The following TENM4 variants were observed in gnomAD, a reference collection of about 807,000 sequenced individuals.
TENM4 encodes teneurin transmembrane protein 4.
TENM4 carries 82 observed loss-of-function variants against 243.3 expected under a neutral mutation model. The observed-to-expected ratio is 0.34, with a 90% CI of 0.28 to 0.40. The LOEUF (loss-of-function observed/expected upper bound fraction) is 0.40. Among genes scored for constraint, TENM4 ranks in the 10% least tolerant of loss-of-function variants. The pLI, the probability that TENM4 is intolerant of heterozygous loss-of-function variation, is 1.00. For synonymous variants in TENM4, 1,412 were observed against 1,456.3 expected, an observed-to-expected ratio of 0.97 and a Z score of 0.69; for missense variants, 3,138 against 3,673.3, an observed-to-expected ratio of 0.85 and a Z score of 3.77.
At chr11:78,666,630 G>T (rs1858165471) in intron 32 of TENM4, among the ~76,000 whole-genome samples, 1 of 152,218 alleles carries the variant, frequency 6.6e-6, no homozygotes, top group African/African-American at 2.4e-5. Context: ...TGGATTTGGA[G>T]GCCAGCATGA....
intron 4 of TENM4, chr11:79,096,551 T>G (rs1861081890): frequency 9.4e-6 from 1 of 105,822 alleles, no homozygotes; most frequent in Non-Finnish European, 1.7e-5. Flanking sequence ...AATTCTCCCC[T>G]TCCCCTGGTG....
At chr11:78,866,598 TGGGGGAGACATG>T (rs1301237501) in intron 9 of TENM4, among the ~76,000 whole-genome samples, 1 of 129,256 alleles carries the variant, frequency 7.7e-6, no homozygotes, top group African/African-American at 3.0e-5. Context: ...GTTATGAGGG[TGGGGGAGACATG>T]GGGGGAGGGG....
At chr11:78,778,312 T>G in intron 17 of TENM4, among the ~76,000 whole-genome samples, 2 of 101,218 alleles carry the variant, frequency 2.0e-5, no homozygotes, top group African/African-American at 8.7e-5. Context: ...GAGTGAAAGG[T>G]GTATGTATGT....
chr11:79,215,130 A>G (rs1370355313), intron 3 of TENM4, among the ~76,000 whole-genome samples: 1 of 152,100 alleles, frequency 6.6e-6, no homozygotes, highest in African/African-American at 2.4e-5. Context: ...GCCTCCCTCA[A>G]TGTAACCAGT....
chr11:79,223,237 A>G (rs1864198644), intron 2 of TENM4, among the ~76,000 whole-genome samples: 1 of 152,220 alleles, frequency 6.6e-6, no homozygotes, highest in African/African-American at 2.4e-5. Context: ...TGGCCTAACA[A>G]GAAGCACTGG....
At chr11:78,734,916 C>T (rs1007078490) in intron 20 of TENM4, among the ~76,000 whole-genome samples, 6 of 152,196 alleles carry the variant, frequency 3.9e-5, no homozygotes, top group African/African-American at 1.4e-4. Context: ...ACCCTACGTC[C>T]CTTCTTACTT....
chr11:79,069,643 G>T, intron 5 of TENM4, 79 bp downstream of exon 5: 1 of 1,465,030 alleles, frequency 6.8e-7, no homozygotes, highest in Non-Finnish European at 9.0e-7. Flanking sequence ...GCCCACCTGC[G>T]CCACGCCCAC....
intron 1 of TENM4, among the ~76,000 whole-genome samples, chr11:79,392,879 G>A (rs1375165288): frequency 6.6e-6 from 1 of 152,196 alleles, no homozygotes; most frequent in East Asian, 1.9e-4. Context: ...TTCCCAGCAT[G>A]TTAACATTCC....
At chr11:79,265,428 AAGACTT>A (rs1439073622) in intron 2 of TENM4, among the ~76,000 whole-genome samples, 1 of 152,236 alleles carries the variant, frequency 6.6e-6, no homozygotes, top group East Asian at 1.9e-4. Flanking sequence ...TCACATTTCA[AAGACTT>A]AGAGTGAAAA....
intron 2 of TENM4, among the ~76,000 whole-genome samples, chr11:79,250,011 AGT>A (rs1208922546): frequency 1.3e-5 from 2 of 152,088 alleles, no homozygotes; most frequent in African/African-American, 4.8e-5. Flanking sequence ...TTTTAGATGG[AGT>A]CTTGCTCTGT....
At chr11:79,017,377 G>A (rs1309554541) in intron 6 of TENM4, among the ~76,000 whole-genome samples, 1 of 152,180 alleles carries the variant, frequency 6.6e-6, no homozygotes, top group East Asian at 1.9e-4. Flanking sequence ...AAGGTGGTGA[G>A]AAGAGTGGGT....
At chr11:78,659,688 G>A in intron 33 of TENM4, among the ~76,000 whole-genome samples, 1 of 152,190 alleles carries the variant, frequency 6.6e-6, no homozygotes, top group East Asian at 1.9e-4. Flanking sequence ...TGATTTCTAA[G>A]GAAGGCCTCT....
chr11:79,069,775 C>G lies in TENM4; in HGVS notation c.170G>C (p.Gly57Ala), dbSNP rs1591259184. 6.4e-7 allele frequency: 1 copy of G among 1,551,336 alleles called. No homozygotes were observed. Among genetic ancestry groups the G allele is most frequent in the Non-Finnish European group, 8.7e-7 (1 of 1,146,922 alleles). ...AYDQDARLAY[G>A]SRVKDIVPQE... ...CGGCACAATGTCCTTGACGCGGCTG[C>G]CATAGGCTAGGCGGGCGTCCTGGTC... Residue 57 changes from glycine to alanine, a missense_variant, in exon 5 of 34, where the codon GGC becomes GCC. Gly to Ala is a moderately conservative substitution (Grantham distance 60, BLOSUM62 0). Coordinates refer to ENST00000278550, the MANE Select transcript of TENM4 (RefSeq NM_001098816.3).
intron 1 of TENM4, among the ~76,000 whole-genome samples, chr11:79,350,947 C>G (rs911438572): frequency 6.6e-6 from 1 of 152,092 alleles, no homozygotes; most frequent in African/African-American, 2.4e-5. Context: ...TTCTATGTGG[C>G]CTGACCCCTC....
chr11:79,147,190 T>C (rs1205605712), intron 4 of TENM4, among the ~76,000 whole-genome samples: 2 of 152,078 alleles, frequency 1.3e-5, no homozygotes, highest in Non-Finnish European at 2.9e-5. Flanking sequence ...GCACATATAT[T>C]TGTAGGAAAC....
At chr11:78,924,644 G>A (rs1313521657) in intron 6 of TENM4, 1 of 152,128 alleles carries the variant, frequency 6.6e-6, no homozygotes, top group Non-Finnish European at 1.5e-5. Flanking sequence ...CATAGCAGGG[G>A]TTCACTCCGT....
Position 79,434,584 on chromosome 11 carries a change from A to G in TENM4, c.-321+5925T>C, listed in dbSNP as rs574663480. On this transcript the variant is annotated intron_variant, in intron 1 of 33. Transcript: ENST00000278550. ...TGATTCCAAGAGCCAGGGAAGAAAAATGTTCTTGGAAAAAGAATTTGTGTA... is the reference window on the plus strand; with the variant it reads ...TGATTCCAAGAGCCAGGGAAGAAAAGTGTTCTTGGAAAAAGAATTTGTGTA... Among the ~76,000 whole-genome samples the G allele has an allele frequency of 4.9e-4, 75 of 152,332 alleles. 4 individuals are homozygous for G. The South Asian group carries it at 0.011, about 23-fold the overall frequency.
chr11:79,019,490 C>G (rs770048845), intron 6 of TENM4, among the ~76,000 whole-genome samples: 18 of 152,226 alleles, frequency 1.2e-4, no homozygotes, highest in Non-Finnish European at 1.8e-4. Flanking sequence ...GCTGAAAAGG[C>G]AGAATCATTG....
At chr11:78,790,254 A>C (rs1857025517) in intron 15 of TENM4, among the ~76,000 whole-genome samples, 1 of 152,236 alleles carries the variant, frequency 6.6e-6, no homozygotes, top group Non-Finnish European at 1.5e-5. Flanking sequence ...TGAATTAAAG[A>C]ACATGGAACT....
Sources: gnomAD v4.1 joint callset for allele counts (sites outside exome capture counted in the v4.1 genomes callset) on GRCh38, gnomAD v4.1.1 for gene constraint, MANE v1.5 for transcripts, NCBI Gene and HGNC (gene_info 2026-07-23, HGNC 2026-07-21) for gene names.